The following PHF8 variants were observed in gnomAD, a reference collection of about 807,000 sequenced individuals.
PHF8 encodes histone lysine demethylase PHF8.
Under a neutral mutation model 74.4 loss-of-function variants are expected in PHF8, and 9 were observed. The ratio of observed to expected loss-of-function variants is 0.12; its 90% CI spans 0.07 to 0.21. The LOEUF is 0.21. Among genes scored for constraint, PHF8 ranks in the 10% least tolerant of loss-of-function variants. PHF8 has a pLI of 1.00. For synonymous variants in PHF8, 311 were observed against 316.6 expected, an observed-to-expected ratio of 0.98 and a Z score of 0.19; for missense variants, 478 against 816.6, an observed-to-expected ratio of 0.59 and a Z score of 5.05.
At chrX:53,977,716 G>A (rs1190586699) in intron 18 of PHF8, among the ~76,000 whole-genome samples, 1 of 106,088 alleles carries the variant, frequency 9.4e-6, no homozygotes, top group Non-Finnish European at 1.9e-5. Flanking sequence ...GTGCGATCTC[G>A]GCTCACTGCA....
chrX:54,017,262 A>C (rs1255634397), intron 5 of PHF8, among the ~76,000 whole-genome samples: 1 of 112,628 alleles, frequency 8.9e-6, no homozygotes, highest in Non-Finnish European at 1.9e-5. Context: ...CCTGGGCAAC[A>C]TAGTGTGACA....
rs1557099050 is a variant in PHF8, at chrX:53,984,987, G to A, written c.2370C>T (p.Ser790=). 1.7e-6 allele frequency: 2 copies of A among 1,210,234 alleles called. No individual in the cohort carries two copies. Among genetic ancestry groups the A allele is most frequent in the African/African-American group, 1.7e-5 (1 of 57,657 alleles). ...GACTGGCGTTCTCCTCCTCCTCCTC[G>A]CTCTCGGTTCTCCAGTATGCTGGCC... ...IKRPAYWRTE[S]EEEEENASLD... Residue 790 remains serine (S), a synonymous_variant, in exon 18 of 22, where the codon AGC becomes AGT. Transcript: ENST00000338154.
At chrX:53,951,887 C>G in intron 19 of PHF8, among the ~76,000 whole-genome samples, 1 of 111,749 alleles carries the variant, frequency 8.9e-6, no homozygotes. Context: ...AACTATCAAT[C>G]AGGAATTCCA....
chrX:54,007,056 G>T (rs1021816658), intron 8 of PHF8, among the ~76,000 whole-genome samples: 1 of 111,679 alleles, frequency 9.0e-6, no homozygotes, highest in African/African-American at 3.3e-5. Context: ...TTGAGATGGT[G>T]TGACACTGTT....
At chrX:53,945,284 G>C (rs1369090202) in intron 19 of PHF8, among the ~76,000 whole-genome samples, 2 of 106,688 alleles carry the variant, frequency 1.9e-5, no homozygotes, top group East Asian at 5.9e-4. Context: ...GGCGGAGCTT[G>C]CAGTAAGCTG....
chrX:54,033,484 G>A (rs1557113129), intron 2 of PHF8, among the ~76,000 whole-genome samples: 1 of 111,925 alleles, frequency 8.9e-6, no homozygotes, highest in African/African-American at 3.2e-5. Flanking sequence ...GGAGGCTGAG[G>A]TGGGCAGATC....
At chrX:54,029,912 G>A (rs1015913168) in intron 2 of PHF8, among the ~76,000 whole-genome samples, 26 of 110,945 alleles carry the variant, frequency 2.3e-4, no homozygotes, top group African/African-American at 8.2e-4. Context: ...CTCAGGCATG[G>A]GGCACCATGT....
At chrX:53,975,608 G>A (rs2065360799) in intron 18 of PHF8, among the ~76,000 whole-genome samples, 1 of 112,193 alleles carries the variant, frequency 8.9e-6, no homozygotes, top group Admixed American at 9.5e-5. Context: ...TATATTAAGT[G>A]AAATAAGCCA....
chrX:54,011,088 C>A (rs782591759), intron 8 of PHF8, 34 bp downstream of exon 8: 13 of 1,179,449 alleles, frequency 1.1e-5, no homozygotes, highest in African/African-American at 1.8e-5. Context: ...TTTCCACCCT[C>A]CCCAAACCCT....
upstream of PHF8, among the ~76,000 whole-genome samples, chrX:54,048,459 A>G (rs1713138759): frequency 8.9e-6 from 1 of 112,382 alleles, no homozygotes; most frequent in Admixed American, 9.4e-5. Flanking sequence ...GAAAGGCTTC[A>G]CAAGAGGTAG....
At chrX:54,004,623 T>A (rs893173819) in intron 8 of PHF8, among the ~76,000 whole-genome samples, 1 of 110,348 alleles carries the variant, frequency 9.1e-6, no homozygotes, top group African/African-American at 3.3e-5. Flanking sequence ...AAAAGAAAAT[T>A]TTAGAAATGA....
chrX:53,956,913 G>T lies in PHF8; in HGVS notation c.2539+5931C>A, dbSNP rs144120707. 5.3e-3 allele frequency among the ~76,000 whole-genome samples: 584 copies of T among 111,115 alleles called. 2 individuals carry two copies. The highest frequency in any genetic ancestry group is 0.019 in the African/African-American group (569 of 30,595). On this transcript the variant is annotated intron_variant, in intron 19 of 21. Coordinates refer to ENST00000338154, the MANE Select transcript of PHF8 (RefSeq NM_015107.3). The stretch of plus-strand genomic sequence containing the variant: ...TGTTGTTTGCTTATGAATTACCAAG[G>T]ATCAAAAATTCATGGTAGAAGCCGG...
intron 2 of PHF8, among the ~76,000 whole-genome samples, chrX:54,042,008 C>A (rs1472680454): frequency 1.8e-5 from 2 of 112,019 alleles, no homozygotes; most frequent in Non-Finnish European, 3.8e-5. Flanking sequence ...AATTGTCAGA[C>A]TATAAAAATG....
intron 4 of PHF8, among the ~76,000 whole-genome samples, chrX:54,020,134 C>A (rs1025153116): frequency 1.8e-5 from 2 of 111,429 alleles, no homozygotes. Context: ...TGCAGTGAGC[C>A]GAGATCACGC....
chrX:53,997,350 C>T (rs1191404713), intron 11 of PHF8, among the ~76,000 whole-genome samples: 3 of 112,073 alleles, frequency 2.7e-5, no homozygotes, highest in Admixed American at 9.4e-5. Flanking sequence ...CTTTTCACTT[C>T]ATTTCTGTAT....
chrX:54,022,431 A>C, intron 3 of PHF8, 64 bp from the exon 4 acceptor site: 2 of 716,706 alleles, frequency 2.8e-6, no homozygotes, highest in East Asian at 6.3e-5. Context: ...ACCAAGAACA[A>C]AGGCCTCAGC....
Position 53,993,643 on chromosome X carries a change from G to A in PHF8, c.1584C>T (p.Tyr528=), listed in dbSNP as rs1486807930. The A allele has an allele frequency of 8.3e-7, 1 of 1,210,147 alleles. No homozygotes were observed. Among genetic ancestry groups the A allele is most frequent in the Non-Finnish European group, 1.1e-6 (1 of 894,646 alleles). ...AGCCTGTCTTCAGTGCCTGATGACT[G>A]TATGTGTCCATGAGATTATAGCTCA... ...GQLSYNLMDT[Y]SHQALKTGSF... Residue 528 remains tyrosine (Y), a synonymous_variant, in exon 13 of 22, where the codon TAC becomes TAT. Transcript: ENST00000338154.
intron 18 of PHF8, among the ~76,000 whole-genome samples, chrX:53,963,969 A>G (rs1557091672): frequency 1.8e-5 from 2 of 112,106 alleles, no homozygotes; most frequent in African/African-American, 6.5e-5. Flanking sequence ...ACAATAGCAA[A>G]GACTTGGAAC....
In PHF8 at chrX:54,030,571, A is replaced by G. The variant is rs190597560; in HGVS notation, c.99-7728T>C. 4.3e-3 allele frequency among the ~76,000 whole-genome samples: 488 copies of G among 112,311 alleles called. 2 individuals carry two copies. The highest frequency in any genetic ancestry group is 0.027 in the Middle Eastern group (6 of 219). ...GAGCGGGAGACAGAGAGGCAGTGTC[A>G]AAACAGTTTCGTAAGTGCTATAAAG... is the stretch of plus-strand genomic sequence containing the variant. On this transcript the variant is annotated intron_variant, in intron 2 of 21. Coordinates refer to ENST00000338154, the MANE Select transcript of PHF8 (RefSeq NM_015107.3).
Sources: gnomAD v4.1 joint callset for allele counts (sites outside exome capture counted in the v4.1 genomes callset) on GRCh38, gnomAD v4.1.1 for gene constraint, MANE v1.5 for transcripts, NCBI Gene and HGNC (gene_info 2026-07-23, HGNC 2026-07-21) for gene names.